GALNT13: variants seen among roughly 807,000 people sequenced by gnomAD.
GALNT13 encodes UDP-GalNAc:polypeptide N-acetylgalactosaminyltransferase 13.
A neutral mutation model predicts 64.2 loss-of-function variants in GALNT13; 28 were observed. The ratio of observed to expected loss-of-function variants is 0.44; its 90% CI spans 0.32 to 0.60. The LOEUF is 0.60. Ranked by LOEUF, GALNT13 falls within the 20% of genes least tolerant of loss-of-function variation. The probability of loss-of-function intolerance (pLI) is 0.05; values close to 1 mark genes in which losing one functional copy is unlikely to be tolerated. For missense variants in GALNT13, 577 were observed against 669.8 expected, an observed-to-expected ratio of 0.86 and a Z score of 1.53; for synonymous variants, 214 against 224.6, an observed-to-expected ratio of 0.95 and a Z score of 0.42.
chr2:154,440,184 G>A (rs1701215923), intron 12 of GALNT13, among the ~76,000 whole-genome samples: 1 of 152,108 alleles, frequency 6.6e-6, no homozygotes, highest in Non-Finnish European at 1.5e-5. Flanking sequence ...GGGCTCTACT[G>A]AGCTTATGCT....
chr2:153,566,347 C>CTTTTTTTTTTTTTTTTT, the GALNT13 span, among the ~76,000 whole-genome samples: 2 of 76,412 alleles, frequency 2.6e-5, no homozygotes, highest in East Asian at 4.2e-4. Flanking sequence ...CTTCTAATCA[C>CTTTTTTTTTTTTTTTTT]GTTTTTTTTT....
intron 10 of GALNT13, among the ~76,000 whole-genome samples, chr2:154,400,051 C>G (rs961369480): frequency 1.3e-5 from 2 of 152,110 alleles, no homozygotes; most frequent in African/African-American, 4.8e-5. Flanking sequence ...GACAAATTCA[C>G]CAAGCACTAC....
chr2:153,589,364 C>G, the GALNT13 span, among the ~76,000 whole-genome samples: 1 of 152,168 alleles, frequency 6.6e-6, no homozygotes, highest in Non-Finnish European at 1.5e-5. Flanking sequence ...GCATTCTGGT[C>G]AAAGCCATGT....
the GALNT13 span, among the ~76,000 whole-genome samples, chr2:153,541,577 G>C: frequency 6.6e-6 from 1 of 152,098 alleles, no homozygotes; most frequent in African/African-American, 2.4e-5. Context: ...CTTCTCCCCT[G>C]CGTTTCTGTG....
the GALNT13 span, among the ~76,000 whole-genome samples, chr2:153,805,626 A>G: frequency 6.6e-6 from 1 of 152,088 alleles, no homozygotes; most frequent in Non-Finnish European, 1.5e-5. Flanking sequence ...GACCCTGTAG[A>G]TGTAGTACAA....
the GALNT13 span, among the ~76,000 whole-genome samples, chr2:153,188,179 A>G: frequency 2.6e-5 from 4 of 152,118 alleles, no homozygotes; most frequent in Admixed American, 2.6e-4. Context: ...ATAACATGTT[A>G]TTAATAATTT....
intron 11 of GALNT13, among the ~76,000 whole-genome samples, chr2:154,420,784 T>C (rs1374927743): frequency 6.6e-6 from 1 of 152,126 alleles, no homozygotes; most frequent in Non-Finnish European, 1.5e-5. Flanking sequence ...TAAAAGTCAG[T>C]TTATTATTTT....
chr2:153,256,170 T>G, the GALNT13 span, among the ~76,000 whole-genome samples: 1 of 151,982 alleles, frequency 6.6e-6, no homozygotes, highest in South Asian at 2.1e-4. Context: ...TCGTTTCTTT[T>G]TATTCTTTTT....
At chr2:154,083,072 CTGAGTTAATTTT>C (rs541485168) in intron 3 of GALNT13, among the ~76,000 whole-genome samples, 65 of 151,764 alleles carry the variant, frequency 4.3e-4, no homozygotes, top group Admixed American at 8.6e-4. Context: ...TTAATCCATC[CTGAGTTAATTTT>C]TGTATAAGGT....
At chr2:154,190,044 T>C (rs1270472201) in intron 4 of GALNT13, among the ~76,000 whole-genome samples, 3 of 152,190 alleles carry the variant, frequency 2.0e-5, no homozygotes, top group Non-Finnish European at 4.4e-5. Context: ...GGTGTCCTTC[T>C]TGTGTGTGTT....
the GALNT13 span, among the ~76,000 whole-genome samples, chr2:153,515,514 A>G: frequency 0.036 from 5,421 of 152,304 alleles, 338 homozygotes; most frequent in African/African-American, 0.12. Flanking sequence ...GCCAAGCAAC[A>G]ACCATGTACC....
the GALNT13 span, among the ~76,000 whole-genome samples, chr2:153,720,935 C>T: frequency 9.9e-5 from 15 of 151,518 alleles, no homozygotes; most frequent in South Asian, 2.1e-4. Flanking sequence ...GGCAGGCCGA[C>T]GTTCAGATTC....
the GALNT13 span, among the ~76,000 whole-genome samples, chr2:153,656,339 T>TGTGTGTGTGTGCGC: frequency 9.9e-5 from 14 of 141,574 alleles, no homozygotes; most frequent in Admixed American, 7.8e-4. Flanking sequence ...TGTGTGTGTG[T>TGTGTGTGTGTGCGC]GCGCGCGCAC....
the GALNT13 span, among the ~76,000 whole-genome samples, chr2:153,456,074 C>A: frequency 6.6e-6 from 1 of 152,236 alleles, no homozygotes; most frequent in Admixed American, 6.5e-5. Context: ...GCCATAGTTC[C>A]ATCTACCAGC....
chr2:154,188,921 A>T (rs1686411336), intron 4 of GALNT13, among the ~76,000 whole-genome samples: 1 of 152,172 alleles, frequency 6.6e-6, no homozygotes, highest in African/African-American at 2.4e-5. Flanking sequence ...TTTTAATGGC[A>T]AAAACTGCAA....
chr2:153,358,889 C>G, the GALNT13 span, among the ~76,000 whole-genome samples: 1 of 152,112 alleles, frequency 6.6e-6, no homozygotes, highest in South Asian at 2.1e-4. Context: ...TAGGACACAT[C>G]ATCAGGCATG....
chr2:154,034,151 C>T (rs1338451882), intron 3 of GALNT13, among the ~76,000 whole-genome samples: 1 of 152,078 alleles, frequency 6.6e-6, no homozygotes, highest in South Asian at 2.1e-4. Flanking sequence ...AACTTAGGTT[C>T]ACACAAAATC....
the GALNT13 span, among the ~76,000 whole-genome samples, chr2:153,584,890 C>T: frequency 2.0e-5 from 3 of 152,130 alleles, no homozygotes; most frequent in African/African-American, 7.2e-5. Flanking sequence ...AGAGGCAAAA[C>T]TAAAGGCCCT....
At chr2:153,564,731 A>G in the GALNT13 span, among the ~76,000 whole-genome samples, 1 of 152,182 alleles carries the variant, frequency 6.6e-6, no homozygotes, top group South Asian at 2.1e-4. Flanking sequence ...CAAAATTACT[A>G]TCATACAGAG....
Sources: gnomAD v4.1 joint callset for allele counts (sites outside exome capture counted in the v4.1 genomes callset) on GRCh38, gnomAD v4.1.1 for gene constraint, MANE v1.5 for transcripts, NCBI Gene and HGNC (gene_info 2026-07-23, HGNC 2026-07-21) for gene names.